Variants in SLC7A5 observed in about 807,000 individuals in gnomAD.
The protein encoded by SLC7A5 is solute carrier family 7 member 5, also known as large neutral amino acids transporter small subunit 1.
SLC7A5 carries 23 observed loss-of-function variants against 50.2 expected under a neutral mutation model. That is an observed-to-expected ratio of 0.46 (90% confidence interval 0.33 to 0.65). SLC7A5 has a LOEUF of 0.65. SLC7A5 is among the 30% of genes least tolerant of loss of function. The pLI is 0.02. For synonymous variants in SLC7A5, 393 were observed against 330.6 expected (o/e 1.19, Z -2.05); for missense variants, 578 against 684.4 (o/e 0.84, Z 1.73).
Position 87,845,574 on chromosome 16 carries a change from G to A in SLC7A5, c.665-4419C>T, listed in dbSNP as rs149315020. Among the ~76,000 whole-genome samples, 738 of 136,616 alleles carry A rather than the reference G, an allele frequency of 5.4e-3. 27 individuals are homozygous for A. The highest frequency in any genetic ancestry group is 0.02 in the African/African-American group (686 of 34,066). 89.6% of individuals were successfully genotyped at this position (136,616 alleles called of 152,430 possible). On this transcript the variant is annotated intron_variant, in intron 2 of 9. Transcript: ENST00000261622. Reference sequence around the variant, plus strand: ...CACGCCCACCCTAGGCCACGGCGCCGCTTTTCAGATGCCTGTTTCGCTCTG... The same window carrying A: ...CACGCCCACCCTAGGCCACGGCGCCACTTTTCAGATGCCTGTTTCGCTCTG...
At chr16:87,844,374 G>T (rs1314773053) in intron 2 of SLC7A5, among the ~76,000 whole-genome samples, 1 of 152,166 alleles carries the variant, frequency 6.6e-6, no homozygotes, top group Admixed American at 6.5e-5. Context: ...AAAGGCCCTG[G>T]GGAGATGATT....
chr16:87,857,136 C>T (rs116637894), intron 1 of SLC7A5, among the ~76,000 whole-genome samples: 8,024 of 152,318 alleles, frequency 0.053, 249 homozygotes, highest in South Asian at 0.15. Flanking sequence ...CTCCCTGCCA[C>T]TGCTGGCCAG....
rs905135186 is a variant in SLC7A5 at position 87,832,983 on chromosome 16, G to A, written c.1511C>T (p.Pro504Leu). Residue 504 changes from proline to leucine, a missense_variant, in exon 10 of 10, where the codon CCC (proline) becomes CTC (leucine). Pro to Leu is a moderately conservative substitution (Grantham distance 98). Around this residue, in one of 2 missense-constraint regions of SLC7A5, gnomAD observed 465 missense variants for 594.6 expected, o/e 0.78. Coordinates refer to ENST00000261622, the MANE Select transcript of SLC7A5 (RefSeq NM_003486.7). The surrounding 1 kb of genome is among the most constrained non-coding windows in gnomAD (Gnocchi z 4.6). Reference sequence around the variant, plus strand: ...TCGGCCTCCTGGCTATGTCTCCTGGGGGACCACCTGCATGAGCTTCTGACA... The same window carrying A: ...TCGGCCTCCTGGCTATGTCTCCTGGAGGACCACCTGCATGAGCTTCTGACA... ...VLCQKLMQVV[P>L]QET 7 of 1,613,822 alleles carry A rather than the reference G, an allele frequency of 4.3e-6. No homozygotes were observed. Among genetic ancestry groups the A allele is most frequent in the African/African-American group, 1.3e-5 (1 of 75,042 alleles).
At chr16:87,835,850 G>A (rs886717577) in intron 8 of SLC7A5, among the ~76,000 whole-genome samples, 4 of 152,236 alleles carry the variant, frequency 2.6e-5, no homozygotes, top group African/African-American at 9.6e-5. Context: ...AGATGGTCCG[G>A]GCAGGGAAGC....
chr16:87,849,689 G>A (rs1597505013), intron 2 of SLC7A5, among the ~76,000 whole-genome samples: 1 of 152,232 alleles, frequency 6.6e-6, no homozygotes, highest in South Asian at 2.1e-4. Context: ...GAGTGCCCGG[G>A]AGCCATGGAA....
At chr16:87,855,079 C>G (rs2055298303) in intron 1 of SLC7A5, among the ~76,000 whole-genome samples, 1 of 152,226 alleles carries the variant, frequency 6.6e-6, no homozygotes, top group African/African-American at 2.4e-5. Flanking sequence ...TGGTCCTGGT[C>G]CTGACTCAAA....
In SLC7A5 at chr16:87,869,205, G is replaced by A. The variant is rs1243513233; in HGVS notation, c.218C>T (p.Thr73Met). 6.2e-6 allele frequency: 10 copies of A among 1,612,544 alleles called. No individual in the cohort carries two copies. In the South Asian group the frequency reaches 1.1e-4, roughly 18 times the overall value. The change falls in exon 1 of 10, where the codon ACG becomes ATG. Residue 73 changes from threonine (T) to methionine (M), a missense_variant. By Grantham distance (81) the Thr-to-Met change is moderately conservative (BLOSUM62 -1). Coordinates refer to ENST00000261622, the MANE Select transcript of SLC7A5 (RefSeq NM_003486.7). ...CGAGCCTGCCTCCTTGAGCACGCCC[G>A]TGGGCGTCACGAAGATGCCCGAGCC... ...IIGSGIFVTP[T>M]GVLKEAGSPG...
chr16:87,834,688 A>G lies in SLC7A5; in HGVS notation c.1291-97T>C, dbSNP rs1261937509. 3 of 1,255,476 alleles carry G rather than the reference A, an allele frequency of 2.4e-6. No homozygotes were observed. In the African/African-American group the frequency reaches 4.5e-5, roughly 19 times the overall value. The allele number at this position is 1,255,476 out of a possible 1,614,324, so 77.8% of individuals were successfully genotyped here. On this transcript the variant is annotated intron_variant, in intron 8 of 9. Transcript: ENST00000261622. ...CAGCCCTCCTGGGCCCTCCACACCC[A>G]CGGCTGCTGACTTCCAGGTCACCAA...
chr16:87,840,576 T>C (rs12931876), intron 3 of SLC7A5, 103 bp from the exon 4 acceptor site: 249,817 of 992,802 alleles, frequency 0.25, 34,536 homozygotes, highest in South Asian at 0.44. Context: ...TGCCCCCCGG[T>C]GGTCTGCTCG....
chr16:87,849,367 CTG>C (rs2055191426), intron 2 of SLC7A5, among the ~76,000 whole-genome samples: 1 of 152,226 alleles, frequency 6.6e-6, no homozygotes, highest in Non-Finnish European at 1.5e-5. Flanking sequence ...AGACACTGCA[CTG>C]TATCCCAAAG....
At chr16:87,856,658 G>A (rs1455877890) in intron 1 of SLC7A5, among the ~76,000 whole-genome samples, 1 of 152,218 alleles carries the variant, frequency 6.6e-6, no homozygotes, top group African/African-American at 2.4e-5. Context: ...AATCCACTCG[G>A]TACGCACAGG....
chr16:87,850,665 T>C (rs1490676424), intron 2 of SLC7A5, among the ~76,000 whole-genome samples: 1 of 152,216 alleles, frequency 6.6e-6, no homozygotes, highest in Non-Finnish European at 1.5e-5. Context: ...CAGAAGGAAC[T>C]GCAGACAGAG....
At chr16:87,837,360 C>T in intron 7 of SLC7A5, 1 of 192,540 alleles carries the variant, frequency 5.2e-6, no homozygotes, top group Non-Finnish European at 1.1e-5. Flanking sequence ...GCACCAGCTC[C>T]CTGAATTCCT....
At position 87,837,622 on chromosome 16, in the gene SLC7A5, G is replaced by A. The variant is rs192894164; in HGVS notation, c.1140+223C>T. ...GTCAGCTTCTGCCTCCCGCATTTCCGATGGTCTGAATCGTTTGTGGCAGCC... is the reference window on the plus strand; with the variant it reads ...GTCAGCTTCTGCCTCCCGCATTTCCAATGGTCTGAATCGTTTGTGGCAGCC... On this transcript the variant is annotated intron_variant, in intron 7 of 9. Coordinates refer to ENST00000261622, the MANE Select transcript of SLC7A5 (RefSeq NM_003486.7). The A allele has an allele frequency of 4.2e-4, 226 of 541,428 alleles. No individual in the cohort carries two copies. The East Asian group carries it at 6.4e-3, about 15-fold the overall frequency. The allele number at this position is 541,428 out of a possible 1,614,324, so 33.5% of individuals were successfully genotyped here.
chr16:87,850,564 T>A (rs1291561867), intron 2 of SLC7A5, among the ~76,000 whole-genome samples: 2 of 152,170 alleles, frequency 1.3e-5, no homozygotes, highest in African/African-American at 4.8e-5. Context: ...ACTGGGATCA[T>A]CTCTACCTGA....
intron 7 of SLC7A5, 111 bp downstream of exon 7, chr16:87,837,734 C>A: frequency 1.2e-6 from 1 of 836,922 alleles, no homozygotes; most frequent in Non-Finnish European, 1.9e-6. Context: ...CACATTTGAG[C>A]TGTCACCCAG....
chr16:87,840,283 C>T (rs2055066309), intron 4 of SLC7A5, 146 bp downstream of exon 4: 2 of 754,488 alleles, frequency 2.7e-6, no homozygotes, highest in African/African-American at 3.5e-5. Flanking sequence ...CCACCCGCCC[C>T]ACATCCTGCT....
intron 1 of SLC7A5, 32 bp from the exon 2 acceptor site, chr16:87,851,881 C>A (rs749084207): frequency 1.9e-5 from 31 of 1,611,934 alleles, no homozygotes; most frequent in Non-Finnish European, 2.5e-5. Flanking sequence ...GTGAGTTCCA[C>A]GGGCAGACAG....
At position 87,862,976 on chromosome 16, in the gene SLC7A5, A is replaced by G. The variant is rs373334861; in HGVS notation, c.538+5909T>C. Among the ~76,000 whole-genome samples, 19 of 152,314 alleles carry G rather than the reference A, an allele frequency of 1.2e-4. No individual in the cohort carries two copies. Among genetic ancestry groups the G allele is most frequent in the African/African-American group, 4.3e-4 (18 of 41,566 alleles). ...GGTGTCCTCAGCCACCCGCAGCCAG[A>G]GTCCCGCGAGACCGACGGACGGCCT... On this transcript the variant is annotated intron_variant, in intron 1 of 9. Transcript: ENST00000261622. The surrounding 1 kb of genome is among the most constrained non-coding windows in gnomAD (Gnocchi z 5.3).
Sources: allele counts gnomAD v4.1 joint callset (sites outside exome capture counted in the v4.1 genomes callset), GRCh38; gene constraint gnomAD v4.1.1; regional missense constraint gnomAD v4.1.1; non-coding constraint Gnocchi (gnomAD v3.1); transcripts MANE v1.5; gene names NCBI Gene and HGNC (gene_info 2026-07-23, HGNC 2026-07-21).